Variants in ANKRD35 observed in about 807,000 individuals in gnomAD.
ANKRD35 encodes the protein ankyrin repeat domain-containing protein 35.
ANKRD35 carries 102 observed loss-of-function variants against 109.9 expected under a neutral mutation model. The ratio of observed to expected loss-of-function variants is 0.93; its 90% CI spans 0.79 to 1.09. The LOEUF (loss-of-function observed/expected upper bound fraction) is 1.09. Ranked by LOEUF, ANKRD35 falls within the 50% of genes least tolerant of loss-of-function variation. ANKRD35 has a pLI of 0.00. For synonymous variants in ANKRD35, 515 were observed against 512.4 expected (o/e 1.01, Z -0.07); for missense variants, 1,240 against 1,230.1 (o/e 1.01, Z -0.12).
intron 1 of ANKRD35, 34 bp from the exon 2 acceptor site, chr1:145,879,422 G>A (rs782209724): frequency 6.8e-6 from 10 of 1,467,524 alleles, no homozygotes; most frequent in Non-Finnish European, 9.1e-6. Context: ...TGAATATAGG[G>A]CATGAGGGTA....
In ANKRD35 at chr1:145,868,412, A is replaced by T. The variant is rs782104522; in HGVS notation, c.2788-12T>A. ...AACAACTCCTTGATCTGAGGCCAAG[A>T]GGAAAGAGGCAACCAATGAGGCTCC... is the stretch of plus-strand genomic sequence containing the variant. On this transcript the variant is annotated splice_polypyrimidine_tract_variant and intron_variant, in intron 10 of 13. Coordinates refer to ENST00000355594, the MANE Select transcript of ANKRD35 (RefSeq NM_144698.5). The T allele has an allele frequency of 6.2e-7, 1 of 1,613,552 alleles. No homozygotes were observed. The highest frequency in any genetic ancestry group is 1.3e-5 in the African/African-American group (1 of 74,902).
In ANKRD35 at chr1:145,873,687, C is replaced by T. The variant is rs782613494; in HGVS notation, c.1082G>A (p.Ser361Asn). Reference protein sequence around the residue: ...EPRASGKQGSSLRPGGDGMEQ... With the variant: ...EPRASGKQGSNLRPGGDGMEQ... ...CATGCCATCCCCTCCAGGCCGGAGA[C>T]TAGAGCCTTGCTTTCCTGAAGCTCT... The change falls in exon 10 of 14, where the codon AGT becomes AAT. Residue 361 changes from serine to asparagine, a missense_variant. Coordinates refer to ENST00000355594, the MANE Select transcript of ANKRD35 (RefSeq NM_144698.5). 6.2e-7 allele frequency: 1 copy of T among 1,614,050 alleles called. No homozygotes were observed. The highest frequency in any genetic ancestry group is 8.5e-7 in the Non-Finnish European group (1 of 1,180,012).
In ANKRD35 at chr1:145,883,155, G is replaced by T. The variant is rs112010937; in HGVS notation, c.39+2565C>A. Reference sequence around the variant, plus strand: ...GCTGGAGTGCGATGGCACCATCTCGGCTCACTGCAACCTCCGCCTCCCGGG... The same window carrying T: ...GCTGGAGTGCGATGGCACCATCTCGTCTCACTGCAACCTCCGCCTCCCGGG... On this transcript the variant is annotated intron_variant, in intron 1 of 13. Coordinates refer to ENST00000355594, the MANE Select transcript of ANKRD35 (RefSeq NM_144698.5). Among the ~76,000 whole-genome samples the T allele has an allele frequency of 5.5e-3, 812 of 147,636 alleles. 5 individuals are homozygous for T. The highest frequency in any genetic ancestry group is 0.019 in the African/African-American group (760 of 39,856).
Position 145,873,388 on chromosome 1 carries a change from G to A in ANKRD35, c.1381C>T (p.Pro461Ser), listed in dbSNP as rs782059463. 6.2e-7 allele frequency: 1 copy of A among 1,614,190 alleles called. No individual in the cohort carries two copies. Among genetic ancestry groups the A allele is most frequent in the Non-Finnish European group, 8.5e-7 (1 of 1,180,030 alleles). ...TFGPDHADQL[P>S]AGQKESSQVL... is the part of the protein sequence containing the mutation. Reference sequence around the variant, plus strand: ...TGGGAACTCTCCTTCTGACCAGCAGGCAGCTGGTCAGCATGATCAGGGCCA... The same window carrying A: ...TGGGAACTCTCCTTCTGACCAGCAGACAGCTGGTCAGCATGATCAGGGCCA... Residue 461 changes from proline (P) to serine (S), a missense_variant, in exon 10 of 14, where the codon CCT becomes TCT. Physicochemically the swap from Pro to Ser is moderately conservative, Grantham distance 74 (BLOSUM62 -1). Transcript: ENST00000355594.
intron 6 of ANKRD35, 89 bp from the exon 7 acceptor site, chr1:145,876,335 C>A: frequency 1.5e-6 from 2 of 1,323,174 alleles, no homozygotes; most frequent in Admixed American, 2.1e-5. Context: ...CACACCTGTC[C>A]AAAAAAAATA....
At chr1:145,880,841 A>T (rs1654258675) in intron 1 of ANKRD35, among the ~76,000 whole-genome samples, 1 of 152,252 alleles carries the variant, frequency 6.6e-6, no homozygotes, top group South Asian at 2.1e-4. Flanking sequence ...AACTTCTCAC[A>T]GTCCTTTCAC....
In ANKRD35 at chr1:145,873,805, C is replaced by T. The variant is rs1413126591; in HGVS notation, c.964G>A (p.Glu322Lys). The T allele has an allele frequency of 6.2e-7, 1 of 1,608,916 alleles. No individual in the cohort carries two copies. The highest frequency in any genetic ancestry group is 8.5e-7 in the Non-Finnish European group (1 of 1,177,484). ...TAGGCTGCAGCTTGAGTCTTACACT[C>T]TTCTGTCTTTTGCACCAGCTCCTGC... ...LEQELVQKTEECKTQAAAYLD... is the reference protein window; with the variant it reads ...LEQELVQKTEKCKTQAAAYLD... The change falls in exon 10 of 14, where the codon GAG (glutamate) becomes AAG (lysine). Residue 322 changes from glutamate (E) to lysine (K), a missense_variant. Transcript: ENST00000355594.
chr1:145,867,462 G>T, intron 12 of ANKRD35, 70 bp from the exon 13 acceptor site: 1 of 1,346,184 alleles, frequency 7.4e-7, no homozygotes, highest in Non-Finnish European at 1.1e-6. Flanking sequence ...TGAGGGAGAG[G>T]TTCTGTGGTA....
At chr1:145,878,327 G>A (rs759632421) in intron 3 of ANKRD35, 64 bp downstream of exon 3, 164 of 1,479,102 alleles carry the variant, frequency 1.1e-4, no homozygotes, top group Middle Eastern at 5.9e-4. Flanking sequence ...GCCCAGCACC[G>A]CCCCCGACTG....
At position 145,872,857 on chromosome 1, in the gene ANKRD35, G is replaced by C. The variant is rs1553739131; in HGVS notation, c.1912C>G (p.Arg638Gly). ...LEELGELGRE[R>G]QRLQRELQSL... ...TGTAGCTCCCTCTGCAACCTCTGCC[G>C]CTCCCGCCCCAACTCCCCTAACTCC... The change falls in exon 10 of 14, where the codon CGG (arginine) becomes GGG (glycine). Residue 638 changes from arginine (R) to glycine (G), a missense_variant. Transcript: ENST00000355594. 13 of 1,613,834 alleles carry C rather than the reference G, an allele frequency of 8.1e-6. No homozygotes were observed. The highest frequency in any genetic ancestry group is 1.0e-5 in the Non-Finnish European group (12 of 1,180,036).
At chr1:145,876,001 A>G (rs1266821442) in intron 7 of ANKRD35, 139 bp downstream of exon 7, 2 of 678,902 alleles carry the variant, frequency 2.9e-6, no homozygotes, top group African/African-American at 1.8e-5. Context: ...CTGGGAAGGA[A>G]TGAGGTTCCC....
chr1:145,883,049 A>G (rs1487972200), intron 1 of ANKRD35, among the ~76,000 whole-genome samples: 1 of 151,464 alleles, frequency 6.6e-6, no homozygotes, highest in Non-Finnish European at 1.5e-5. Context: ...CTAATTCTCA[A>G]CGTTGTAATT....
At chr1:145,866,941 G>C (rs587652751) in intron 13 of ANKRD35, among the ~76,000 whole-genome samples, 176 bp from the exon 14 acceptor site, 1 of 152,134 alleles carries the variant, frequency 6.6e-6, no homozygotes, top group Admixed American at 6.5e-5. Context: ...TGGTATCAAA[G>C]TGAAGAGATT....
Position 145,873,002 on chromosome 1 carries a change from A to G in ANKRD35, c.1767T>C (p.Pro589=). The G allele has an allele frequency of 6.2e-7, 1 of 1,610,124 alleles. No homozygotes were observed. The highest frequency in any genetic ancestry group is 8.5e-7 in the Non-Finnish European group (1 of 1,178,366). Residue 589 remains proline (P), a synonymous_variant, in exon 10 of 14, where the codon CCT becomes CCC. Coordinates refer to ENST00000355594, the MANE Select transcript of ANKRD35 (RefSeq NM_144698.5). ...CCCCTAGAGGCTCTCCTTGAGCCCC[A>G]GGAACCCTTTTCTCCTTCTCTTCAT... is the stretch of plus-strand genomic sequence containing the variant. ...KQDEEKEKRV[P]GAQGEPLGAL... is the part of the protein sequence containing the mutation.
chr1:145,876,417 T>G, intron 6 of ANKRD35, 152 bp downstream of exon 6: 1 of 1,114,354 alleles, frequency 9.0e-7, no homozygotes, highest in South Asian at 1.4e-5. Context: ...AGGCTTAACC[T>G]CTCTGTGAGG....
In ANKRD35 at chr1:145,876,644, G is replaced by A. The variant is rs782817138; in HGVS notation, c.383-5C>T. On this transcript the variant is annotated splice_polypyrimidine_tract_variant and splice_region_variant and intron_variant, in intron 5 of 13. Transcript: ENST00000355594. ...TTGAGGCACAGCCAGAGGAGGCTGG[G>A]GAGAAGATGTTTGGGTTAAGGGGAA... The A allele has an allele frequency of 1.2e-6, 2 of 1,614,114 alleles. No homozygotes were observed. The highest frequency in any genetic ancestry group is 1.6e-4 in the Middle Eastern group (1 of 6,062).
rs1559173950 is a variant in ANKRD35, at chr1:145,873,643, C to G, written c.1126G>C (p.Asp376His). The G allele has an allele frequency of 1.9e-6, 3 of 1,613,958 alleles. No individual in the cohort carries two copies. The South Asian group carries it at 3.3e-5, about 18-fold the overall frequency. The change falls in exon 10 of 14, where the codon GAC becomes CAC. Residue 376 changes from aspartate to histidine, a missense_variant. By Grantham distance (81) the Asp-to-His change is moderately conservative (BLOSUM62 -1). Coordinates refer to ENST00000355594, the MANE Select transcript of ANKRD35 (RefSeq NM_144698.5). ...TCTTGTGTACTCTCAGCCAGCAGGTCCTTAGGACAACCCTGCTCCATGCCA... is the reference window on the plus strand; with the variant it reads ...TCTTGTGTACTCTCAGCCAGCAGGTGCTTAGGACAACCCTGCTCCATGCCA... ...GDGMEQGCPK[D>H]LLAESTQELK... is the part of the protein sequence containing the mutation.
rs782024506 is a variant in ANKRD35 at position 145,872,073 on chromosome 1, C to A, written c.2696G>T (p.Arg899Leu). The change falls in exon 10 of 14, where the codon CGG becomes CTG. Residue 899 changes from arginine (R) to leucine (L), a missense_variant. Transcript: ENST00000355594. Reference sequence around the variant, plus strand: ...TTTCTCAAACTGCTCGGAGCGCCCCCGCATCTCGCTGGCCTGGCGCTCTTG... The same window carrying A: ...TTTCTCAAACTGCTCGGAGCGCCCCAGCATCTCGCTGGCCTGGCGCTCTTG... Reference protein sequence around the residue: ...AEQERQASEMRGRSEQFEKTA... With the variant: ...AEQERQASEMLGRSEQFEKTA... The A allele has an allele frequency of 2.5e-6, 4 of 1,613,594 alleles. No homozygotes were observed. The highest frequency in any genetic ancestry group is 2.7e-5 in the African/African-American group (2 of 75,040).
intron 12 of ANKRD35, 144 bp downstream of exon 12, chr1:145,867,847 A>T: frequency 1.4e-6 from 1 of 731,988 alleles, no homozygotes; most frequent in Non-Finnish European, 2.4e-6. Context: ...CTACCAAATG[A>T]GATCAGAGAC....
Sources: allele counts gnomAD v4.1 joint callset (sites outside exome capture counted in the v4.1 genomes callset), GRCh38; gene constraint gnomAD v4.1.1; transcripts MANE v1.5; gene names NCBI Gene and HGNC (gene_info 2026-07-23, HGNC 2026-07-21).